Variants in PTPRG observed in about 807,000 individuals in gnomAD.
PTPRG encodes the protein protein tyrosine phosphatase receptor type G.
In PTPRG, 102 loss-of-function variants were observed where a neutral mutation model predicts 165.3. The ratio of observed to expected loss-of-function variants is 0.62; its 90% CI spans 0.53 to 0.73. PTPRG has a LOEUF of 0.73. PTPRG is among the 30% of genes least tolerant of loss of function. The pLI is 0.00. For synonymous variants in PTPRG, 675 were observed against 669.5 expected (o/e 1.01, Z -0.13); for missense variants, 1,866 against 1,861.4 (o/e 1.00, Z -0.05).
intron 2 of PTPRG, among the ~76,000 whole-genome samples, chr3:61,947,714 C>T (rs1485905011): frequency 1.3e-5 from 2 of 152,166 alleles, no homozygotes; most frequent in Non-Finnish European, 2.9e-5. Flanking sequence ...TGGCCCCTGG[C>T]ATTACTGGGC....
At chr3:61,866,208 C>A (rs1464083282) in intron 2 of PTPRG, among the ~76,000 whole-genome samples, 1 of 152,196 alleles carries the variant, frequency 6.6e-6, no homozygotes, top group African/African-American at 2.4e-5. Context: ...GTCTCAACTA[C>A]TTGCACAGGT....
At chr3:62,044,204 G>T (rs1472219246) in intron 4 of PTPRG, among the ~76,000 whole-genome samples, 2 of 152,210 alleles carry the variant, frequency 1.3e-5, no homozygotes, top group African/African-American at 4.8e-5. Context: ...GCACTACTGA[G>T]CAAGTCACTT....
intron 1 of PTPRG, among the ~76,000 whole-genome samples, chr3:61,649,099 GT>G (rs1159344431): frequency 5.9e-5 from 9 of 152,046 alleles, no homozygotes; most frequent in African/African-American, 2.2e-4. Context: ...CCGGAGACTG[GT>G]TAATTTATTT....
chr3:61,914,935 A>C (rs1187507113), intron 2 of PTPRG, among the ~76,000 whole-genome samples: 1 of 152,242 alleles, frequency 6.6e-6, no homozygotes, highest in Non-Finnish European at 1.5e-5. Flanking sequence ...TATTACATAC[A>C]TAATAATTAA....
At position 61,805,524 on chromosome 3, in the gene PTPRG, G is replaced by A. The variant is rs557492956; in HGVS notation, c.190+56542G>A. 8.1e-3 allele frequency among the ~76,000 whole-genome samples: 520 copies of A among 64,420 alleles called. 2 individuals are homozygous for A. The highest frequency in any genetic ancestry group is 0.011 in the Non-Finnish European group (396 of 35,472). The allele number at this position is 64,420 out of a possible 152,430, so 42.3% of individuals were successfully genotyped here. ...CCAGGCCTACTCTTCCCGAAAATGG[G>A]AAAGACAAAAAAAAAAAAAAAAAAA... On this transcript the variant is annotated intron_variant, in intron 2 of 29. Transcript: ENST00000474889.
chr3:61,775,980 TGAC>T (rs2034369036), intron 2 of PTPRG, among the ~76,000 whole-genome samples: 2 of 151,550 alleles, frequency 1.3e-5, no homozygotes, highest in South Asian at 4.2e-4. Context: ...TAATGCTAAA[TGAC>T]GAGTTAATGG....
intron 1 of PTPRG, among the ~76,000 whole-genome samples, chr3:61,605,447 G>T (rs1216252152): frequency 6.6e-6 from 1 of 151,606 alleles, no homozygotes; most frequent in African/African-American, 2.4e-5. Flanking sequence ...ATAGAGACGG[G>T]GTTTTGCCAT....
intron 16 of PTPRG, among the ~76,000 whole-genome samples, chr3:62,256,976 G>A (rs1701550963): frequency 6.6e-6 from 1 of 152,104 alleles, no homozygotes; most frequent in Admixed American, 6.5e-5. Context: ...GAACTTTAGA[G>A]CTTAAATAGT....
intron 2 of PTPRG, among the ~76,000 whole-genome samples, chr3:61,841,330 G>A (rs2036626480): frequency 6.6e-6 from 1 of 152,118 alleles, no homozygotes; most frequent in African/African-American, 2.4e-5. Flanking sequence ...AGGCGGCCAG[G>A]TGCACTCTCT....
intron 6 of PTPRG, among the ~76,000 whole-genome samples, chr3:62,133,870 C>T (rs549846113): frequency 2.0e-5 from 3 of 152,140 alleles, no homozygotes; most frequent in South Asian, 4.2e-4. Context: ...ATAATCCCAG[C>T]TACTCGAGAG....
intron 2 of PTPRG, among the ~76,000 whole-genome samples, chr3:61,810,764 A>T (rs1317452660): frequency 2.0e-5 from 3 of 152,248 alleles, no homozygotes; most frequent in Non-Finnish European, 4.4e-5. Context: ...TAGAATGAAT[A>T]GGCATTTTTT....
intron 1 of PTPRG, among the ~76,000 whole-genome samples, chr3:61,721,898 C>CT (rs936257522): frequency 1.3e-4 from 20 of 152,308 alleles, no homozygotes; most frequent in South Asian, 8.3e-4. Context: ...TTGTTTCTGA[C>CT]TTTCTGCTCT....
intron 5 of PTPRG, among the ~76,000 whole-genome samples, chr3:62,107,954 T>G (rs1702530326): frequency 6.6e-6 from 1 of 152,236 alleles, no homozygotes; most frequent in African/African-American, 2.4e-5. Context: ...GTATGCCAGT[T>G]AGTCATTTAT....
At chr3:61,803,522 C>G (rs1559620625) in intron 2 of PTPRG, among the ~76,000 whole-genome samples, 1 of 119,146 alleles carries the variant, frequency 8.4e-6, no homozygotes, top group Non-Finnish European at 1.8e-5. Flanking sequence ...TGTAATGCCT[C>G]AAACATTCTG....
chr3:61,890,528 C>T (rs1003664999), intron 2 of PTPRG, among the ~76,000 whole-genome samples: 4 of 149,752 alleles, frequency 2.7e-5, no homozygotes, highest in Non-Finnish European at 5.9e-5. Flanking sequence ...TTGGCAACAA[C>T]AAAAGAACAA....
chr3:62,124,170 T>C (rs1181865344), intron 5 of PTPRG: 2 of 715,910 alleles, frequency 2.8e-6, no homozygotes, highest in South Asian at 1.7e-5. Flanking sequence ...TTGTTGTCGT[T>C]GTTGTGCAAA....
intron 4 of PTPRG, among the ~76,000 whole-genome samples, chr3:62,036,979 G>GCA (rs1350734287): frequency 1.3e-5 from 1 of 77,156 alleles, no homozygotes; most frequent in Non-Finnish European, 2.7e-5. Flanking sequence ...GTGCGCGCGC[G>GCA]CACGCACACA....
chr3:62,197,544 G>A (rs975214210), intron 10 of PTPRG, among the ~76,000 whole-genome samples: 8 of 152,002 alleles, frequency 5.3e-5, no homozygotes, highest in Admixed American at 1.3e-4. Flanking sequence ...TCCCTGTGTC[G>A]AGGAAGGACT....
At chr3:61,568,573 C>G (rs2106765757) in intron 1 of PTPRG, among the ~76,000 whole-genome samples, 1 of 152,190 alleles carries the variant, frequency 6.6e-6, no homozygotes, top group South Asian at 2.1e-4. Flanking sequence ...CTATGCAGGC[C>G]TAAGGTTTTT....
Sources: gnomAD v4.1 joint callset for allele counts (sites outside exome capture counted in the v4.1 genomes callset) on GRCh38, gnomAD v4.1.1 for gene constraint, MANE v1.5 for transcripts, NCBI Gene and HGNC (gene_info 2026-07-23, HGNC 2026-07-21) for gene names.